UBE2E2: variants seen among roughly 807,000 people sequenced by gnomAD.
UBE2E2 encodes the protein ubiquitin-conjugating enzyme E2 E2.
A neutral mutation model predicts 24.7 loss-of-function variants in UBE2E2; 6 were observed. The observed-to-expected ratio is 0.24, with a 90% CI of 0.13 to 0.48. UBE2E2 has a LOEUF of 0.48. Among genes scored for constraint, UBE2E2 ranks in the 20% least tolerant of loss-of-function variants. UBE2E2 has a pLI of 0.99. For missense variants in UBE2E2, 169 were observed against 245.0 expected, an observed-to-expected ratio of 0.69 and a Z score of 2.07; for synonymous variants, 104 against 83.6, an observed-to-expected ratio of 1.24 and a Z score of -1.33.
chr3:23,228,159 T>A (rs1201624269), intron 3 of UBE2E2, among the ~76,000 whole-genome samples: 1 of 152,244 alleles, frequency 6.6e-6, no homozygotes, highest in Admixed American at 6.5e-5. Context: ...CTGCCTTTAA[T>A]CATAGCTTTA....
At chr3:23,561,554 G>T (rs2125504957) in intron 5 of UBE2E2, among the ~76,000 whole-genome samples, 1 of 152,118 alleles carries the variant, frequency 6.6e-6, no homozygotes, top group Admixed American at 6.5e-5. Context: ...TGGCAATGCG[G>T]GCTCTTTTTT....
At chr3:23,445,106 C>T (rs917753516) in intron 3 of UBE2E2, among the ~76,000 whole-genome samples, 3 of 152,176 alleles carry the variant, frequency 2.0e-5, no homozygotes, top group Non-Finnish European at 4.4e-5. Flanking sequence ...TGGCAGTTTA[C>T]GCATTTAGCA....
chr3:23,502,388 T>G (rs1351129488), intron 4 of UBE2E2, among the ~76,000 whole-genome samples: 2 of 152,204 alleles, frequency 1.3e-5, no homozygotes, highest in Non-Finnish European at 2.9e-5. Flanking sequence ...GATGGTTATT[T>G]GTGTGGATAT....
chr3:23,252,721 T>G (rs1023615442), intron 3 of UBE2E2, among the ~76,000 whole-genome samples: 1 of 152,198 alleles, frequency 6.6e-6, no homozygotes, highest in Non-Finnish European at 1.5e-5. Context: ...GGTCTTGAAC[T>G]CCTGATCTCT....
chr3:23,432,914 GA>G (rs1431956695), intron 3 of UBE2E2, among the ~76,000 whole-genome samples: 1 of 151,654 alleles, frequency 6.6e-6, no homozygotes, highest in Non-Finnish European at 1.5e-5. Context: ...GGTTCTATAA[GA>G]ATAGACACTT....
At chr3:23,518,303 T>C (rs1489910557) in intron 4 of UBE2E2, among the ~76,000 whole-genome samples, 1 of 152,164 alleles carries the variant, frequency 6.6e-6, no homozygotes, top group Non-Finnish European at 1.5e-5. Flanking sequence ...AGAGAGAGAT[T>C]GCCTGGGATA....
At chr3:23,519,110 A>G (rs1360741983) in intron 4 of UBE2E2, among the ~76,000 whole-genome samples, 1 of 152,134 alleles carries the variant, frequency 6.6e-6, no homozygotes, top group African/African-American at 2.4e-5. Context: ...CTCCAATCTT[A>G]TTTTCTAACC....
In UBE2E2 at chr3:23,334,089, C is replaced by T. The variant is rs557215072; in HGVS notation, c.227+116777C>T. Among the ~76,000 whole-genome samples the T allele has an allele frequency of 1.8e-4, 27 of 151,818 alleles. No individual in the cohort carries two copies. In the East Asian group the frequency reaches 5.2e-3, roughly 29 times the overall value. ...GTTTCTATCCTTACTCAAAACTTAT[C>T]TTAAATTGAAATATGCACTCTCATA... On this transcript the variant is annotated intron_variant, in intron 3 of 5. Transcript: ENST00000396703.
intron 3 of UBE2E2, among the ~76,000 whole-genome samples, chr3:23,337,239 A>G (rs1296658784): frequency 6.6e-6 from 1 of 152,192 alleles, no homozygotes; most frequent in Non-Finnish European, 1.5e-5. Flanking sequence ...AGAAGTCTTC[A>G]CATCCATAAA....
chr3:23,329,117 T>TTA (rs2125298714), intron 3 of UBE2E2, among the ~76,000 whole-genome samples: 1 of 152,300 alleles, frequency 6.6e-6, no homozygotes, highest in African/African-American at 2.4e-5. Flanking sequence ...TTGTTGAACA[T>TTA]TTTAGTGTTT....
chr3:23,431,062 A>G (rs76202993), intron 3 of UBE2E2, among the ~76,000 whole-genome samples: 4,483 of 152,244 alleles, frequency 0.029, 111 homozygotes, highest in East Asian at 0.13. Context: ...CTTTACAACA[A>G]TGGAGTGGGA....
chr3:23,356,445 C>T (rs573037903), intron 3 of UBE2E2, among the ~76,000 whole-genome samples: 2 of 152,294 alleles, frequency 1.3e-5, no homozygotes, highest in Admixed American at 6.5e-5. Flanking sequence ...AAGGCTTCAT[C>T]CTGATGTCAG....
intron 3 of UBE2E2, among the ~76,000 whole-genome samples, chr3:23,362,696 G>A (rs1002764333): frequency 6.6e-6 from 1 of 152,112 alleles, no homozygotes. Flanking sequence ...TCCAGCTTCT[G>A]TGTGAACTTA....
chr3:23,266,362 C>A (rs1334477855), intron 3 of UBE2E2, among the ~76,000 whole-genome samples: 2 of 152,100 alleles, frequency 1.3e-5, no homozygotes, highest in Non-Finnish European at 2.9e-5. Context: ...AATCTCTCAG[C>A]ATTTGCTTGT....
intron 3 of UBE2E2, among the ~76,000 whole-genome samples, chr3:23,413,235 A>T (rs1251305078): frequency 6.6e-6 from 1 of 152,088 alleles, no homozygotes; most frequent in Non-Finnish European, 1.5e-5. Flanking sequence ...AAAAAAAGTT[A>T]ATTTAAACTT....
At chr3:23,475,131 G>A (rs1699100231) in intron 3 of UBE2E2, among the ~76,000 whole-genome samples, 6 of 151,818 alleles carry the variant, frequency 4.0e-5, no homozygotes, top group Admixed American at 3.3e-4. Context: ...CTCTTGTCTG[G>A]TTGCTCTTTC....
At chr3:23,216,719 C>A (rs780817423) in intron 2 of UBE2E2, among the ~76,000 whole-genome samples, 4 of 151,752 alleles carry the variant, frequency 2.6e-5, no homozygotes, top group Non-Finnish European at 5.9e-5. Context: ...ACATTAATTG[C>A]TCATGTAATA....
intron 2 of UBE2E2, among the ~76,000 whole-genome samples, chr3:23,213,846 T>TCATC (rs1359354529): frequency 1.3e-5 from 2 of 152,124 alleles, no homozygotes; most frequent in Non-Finnish European, 2.9e-5. Flanking sequence ...CGGTAAAAGA[T>TCATC]CATCATGGGA....
At chr3:23,393,169 A>T (rs1188902042) in intron 3 of UBE2E2, among the ~76,000 whole-genome samples, 1 of 152,192 alleles carries the variant, frequency 6.6e-6, no homozygotes, top group Non-Finnish European at 1.5e-5. Flanking sequence ...AGCTTGGACT[A>T]AGGTGGGAAA....
Sources: allele counts gnomAD v4.1 joint callset (sites outside exome capture counted in the v4.1 genomes callset), GRCh38; gene constraint gnomAD v4.1.1; transcripts MANE v1.5; gene names NCBI Gene and HGNC (gene_info 2026-07-23, HGNC 2026-07-21).